CAPZB: variants seen among roughly 807,000 people sequenced by gnomAD.
The protein encoded by CAPZB is capping actin protein of muscle Z-line subunit beta, also known as F-actin-capping protein subunit beta.
CAPZB carries 2 observed loss-of-function variants against 38.1 expected under a neutral mutation model. The observed-to-expected ratio is 0.05, with a 90% CI of 0.02 to 0.17. The LOEUF is 0.17. Ranked by LOEUF, CAPZB falls within the 10% of genes least tolerant of loss-of-function variation. The pLI, the probability that CAPZB is intolerant of heterozygous loss-of-function variation, is 1.00. For synonymous variants in CAPZB, 107 were observed against 127.4 expected, an observed-to-expected ratio of 0.84 and a Z score of 1.08; for missense variants, 161 against 334.2, an observed-to-expected ratio of 0.48 and a Z score of 4.04.
chr1:19,457,899 C>T (rs2094537942), intron 1 of CAPZB, among the ~76,000 whole-genome samples: 1 of 152,120 alleles, frequency 6.6e-6, no homozygotes, highest in Non-Finnish European at 1.5e-5. Flanking sequence ...TAAAGGGCAA[C>T]ATCAGGGAAG....
intron 1 of CAPZB, among the ~76,000 whole-genome samples, chr1:19,469,062 G>A (rs1484728307): frequency 6.6e-6 from 1 of 152,200 alleles, no homozygotes; most frequent in African/African-American, 2.4e-5. Context: ...CCCCCAAGCT[G>A]GGCACACAAT....
At chr1:19,370,762 C>A (rs1250131584) in intron 4 of CAPZB, among the ~76,000 whole-genome samples, 1 of 151,658 alleles carries the variant, frequency 6.6e-6, no homozygotes, top group East Asian at 1.9e-4. Flanking sequence ...CAGTCTCAGG[C>A]CAGCTCTGTT....
At chr1:19,459,475 A>AT (rs1158260922) in intron 1 of CAPZB, among the ~76,000 whole-genome samples, 2 of 152,162 alleles carry the variant, frequency 1.3e-5, no homozygotes, top group African/African-American at 4.8e-5. Context: ...GCTTTGATTG[A>AT]TTTTTTTAAA....
chr1:19,391,576 A>T (rs1156961288), intron 2 of CAPZB, among the ~76,000 whole-genome samples: 1 of 152,240 alleles, frequency 6.6e-6, no homozygotes, highest in Non-Finnish European at 1.5e-5. Context: ...TCTTAAAAAG[A>T]TAAAAGAGCA....
chr1:19,484,923 G>A (rs1358483168), intron 1 of CAPZB, among the ~76,000 whole-genome samples: 1 of 152,198 alleles, frequency 6.6e-6, no homozygotes, highest in East Asian at 1.9e-4. Flanking sequence ...GGCCGCTGCA[G>A]AAGGGGCTGA....
chr1:19,354,736 C>T (rs2094010953), intron 6 of CAPZB, among the ~76,000 whole-genome samples: 1 of 152,180 alleles, frequency 6.6e-6, no homozygotes. Flanking sequence ...AATATTTGTC[C>T]AGGTCACTGT....
At chr1:19,395,662 A>G (rs2094263200) in intron 2 of CAPZB, among the ~76,000 whole-genome samples, 1 of 152,256 alleles carries the variant, frequency 6.6e-6, no homozygotes, top group Admixed American at 6.5e-5. Context: ...GAAGGGGATG[A>G]ACCAGGCCCT....
intron 1 of CAPZB, 152 bp downstream of exon 1, chr1:19,485,284 G>A (rs1361682090): frequency 1.1e-5 from 5 of 465,600 alleles, no homozygotes; most frequent in Non-Finnish European, 1.7e-5. Context: ...CACCCTCCTG[G>A]GCGGGGAGGG....
At chr1:19,344,321 T>G (rs558104234) in intron 8 of CAPZB, 37 bp downstream of exon 8, 1 of 1,550,004 alleles carries the variant, frequency 6.5e-7, no homozygotes. Flanking sequence ...CAAATCCCTC[T>G]GTCTGCTTCT....
intron 4 of CAPZB, among the ~76,000 whole-genome samples, chr1:19,358,429 C>T (rs554419939): frequency 2.9e-4 from 44 of 152,340 alleles, no homozygotes; most frequent in Non-Finnish European, 4.4e-4. Flanking sequence ...TGAGCCACTG[C>T]GCCTGGCCCA....
At chr1:19,471,842 G>C (rs993097979) in intron 1 of CAPZB, among the ~76,000 whole-genome samples, 3 of 115,716 alleles carry the variant, frequency 2.6e-5, no homozygotes, top group African/African-American at 9.9e-5. Context: ...CTCCAGCCTG[G>C]GAGACAAAGC....
Position 19,396,265 on chromosome 1 carries a change from T to C in CAPZB, c.94-10639A>G, listed in dbSNP as rs113282517. On this transcript the variant is annotated intron_variant, in intron 2 of 8. Coordinates refer to ENST00000264202, the MANE Select transcript of CAPZB (RefSeq NM_004930.5). ...GAAGCGTTGGTGGGATGGTGTGGGA[T>C]GGTGGAAAACTAGGGCCACTTGGGT... Among the ~76,000 whole-genome samples, 410 of 152,296 alleles carry C rather than the reference T, an allele frequency of 2.7e-3. 3 individuals carry two copies. Among genetic ancestry groups the C allele is most frequent in the African/African-American group, 9.5e-3 (394 of 41,566 alleles).
chr1:19,484,478 G>A (rs2094643513), intron 1 of CAPZB: 1 of 1,439,624 alleles, frequency 6.9e-7, no homozygotes, highest in East Asian at 2.7e-5. Context: ...GCAGCCTCGA[G>A]AAGGGCCCGC....
At chr1:19,478,556 GT>G in intron 1 of CAPZB, among the ~76,000 whole-genome samples, 1 of 152,320 alleles carries the variant, frequency 6.6e-6, no homozygotes, top group Non-Finnish European at 1.5e-5. Context: ...AACATGTGGG[GT>G]GACCATAGGA....
At chr1:19,343,227 G>C (rs940915473) in intron 8 of CAPZB, among the ~76,000 whole-genome samples, 1 of 152,248 alleles carries the variant, frequency 6.6e-6, no homozygotes, top group Non-Finnish European at 1.5e-5. Context: ...CCCTGTCACA[G>C]GTCACGAAGA....
chr1:19,383,670 G>T (rs2094188382), intron 3 of CAPZB, among the ~76,000 whole-genome samples: 1 of 152,050 alleles, frequency 6.6e-6, no homozygotes, highest in Non-Finnish European at 1.5e-5. Context: ...CTATATGCTG[G>T]GACATCTGCA....
At chr1:19,462,319 G>T (rs564702397) in intron 1 of CAPZB, among the ~76,000 whole-genome samples, 1 of 151,918 alleles carries the variant, frequency 6.6e-6, no homozygotes, top group African/African-American at 2.4e-5. Context: ...TTAGCCAGGC[G>T]TGGTGGCGGG....
At position 19,357,346 on chromosome 1, in the gene CAPZB, T is replaced by TA; in HGVS notation, c.471+75dup. The TA allele has an allele frequency of 1.5e-6, 2 of 1,368,032 alleles. No individual in the cohort carries two copies. The highest frequency in any genetic ancestry group is 2.1e-6 in the Non-Finnish European group (2 of 967,256). 84.7% of individuals were successfully genotyped at this position (1,368,032 alleles called of 1,614,324 possible). A position where few individuals can be genotyped will look rare whatever the true frequency, so the allele number is the denominator to read the frequency against. On this transcript the variant is annotated intron_variant, in intron 5 of 8. Transcript: ENST00000264202. This position sits in a 1 kb window ranked among gnomAD's most constrained non-coding sequence, Gnocchi z 4.3. ...CACAGCATCCCCCTACTGCATCTGT[T>TA]AGAGAGCAGCGCGGCACTGGTTGGT...
intron 2 of CAPZB, among the ~76,000 whole-genome samples, chr1:19,399,687 A>AAG (rs1237504209): frequency 6.6e-6 from 1 of 152,114 alleles, no homozygotes; most frequent in African/African-American, 2.4e-5. Flanking sequence ...GTGGGAGAGG[A>AAG]AGTCTGGGCC....
Sources: allele counts gnomAD v4.1 joint callset (sites outside exome capture counted in the v4.1 genomes callset), GRCh38; gene constraint gnomAD v4.1.1; non-coding constraint Gnocchi (gnomAD v3.1); transcripts MANE v1.5; gene names NCBI Gene and HGNC (gene_info 2026-07-23, HGNC 2026-07-21).